NDUFAF7: variants seen among roughly 807,000 people sequenced by gnomAD.
The protein encoded by NDUFAF7 is protein arginine methyltransferase NDUFAF7, mitochondrial.
A neutral mutation model predicts 47.2 loss-of-function variants in NDUFAF7; 48 were observed. That is an observed-to-expected ratio of 1.02 (90% CI 0.81 to 1.29). NDUFAF7 has a LOEUF of 1.29. Among genes scored for constraint, NDUFAF7 ranks in the 50% most tolerant of loss-of-function variants. The pLI, the probability that NDUFAF7 is intolerant of heterozygous loss-of-function variation, is 0.00. For synonymous variants in NDUFAF7, 217 were observed against 190.0 expected (o/e 1.14, Z -1.17); for missense variants, 635 against 537.6 (o/e 1.18, Z -1.79).
chr2:37,237,770 G>A lies in NDUFAF7; in HGVS notation c.311G>A (p.Trp104Ter). 6.2e-7 allele frequency: 1 copy of A among 1,608,564 alleles called. No homozygotes were observed. Among genetic ancestry groups the A allele is most frequent in the Non-Finnish European group, 8.5e-7 (1 of 1,175,296 alleles). ...CCCTTTTCACAGCTACTAGGTATAT[G>A]GTTCATTAGTGAATGGATGGCCACT... ...SQIFGELLGI[W>*]FISEWMATGK... The change falls in exon 4 of 10, where the codon TGG becomes TAG. Residue 104 changes from tryptophan to a stop codon, truncating the protein, a stop_gained. Transcript: ENST00000002125. LOFTEE classifies it high-confidence loss of function.
the NDUFAF7 span, among the ~76,000 whole-genome samples, chr2:37,264,332 C>T: frequency 2.0e-5 from 3 of 152,014 alleles, no homozygotes; most frequent in Non-Finnish European, 4.4e-5. Flanking sequence ...AAGAATTTGC[C>T]GTGTACCCAG....
the NDUFAF7 span, chr2:37,260,164 T>TA: frequency 0.06 from 59,421 of 986,190 alleles, 5 homozygotes; most frequent in Non-Finnish European, 0.067. Flanking sequence ...ACTCTTGTCT[T>TA]AAAAAAAAAA....
At chr2:37,267,713 A>G in the NDUFAF7 span, 12 of 546,296 alleles carry the variant, frequency 2.2e-5, no homozygotes, top group South Asian at 1.5e-4. Context: ...TTTCCCCTCC[A>G]TACATAATAT....
At chr2:37,247,852 A>G (rs116742651) in intron 9 of NDUFAF7, among the ~76,000 whole-genome samples, 1,823 of 152,268 alleles carry the variant, frequency 0.012, 38 homozygotes, top group African/African-American at 0.041. Flanking sequence ...TTTGTTAAGA[A>G]AACTGCGTTT....
intron 6 of NDUFAF7, 77 bp from the exon 7 acceptor site, chr2:37,243,785 GA>G (rs1178498716): frequency 9.5e-7 from 1 of 1,051,274 alleles, no homozygotes; most frequent in Non-Finnish European, 1.5e-6. Flanking sequence ...GGTAAGAGGA[GA>G]AAAAGCTATT....
chr2:37,260,411 G>C, the NDUFAF7 span: 1 of 1,577,692 alleles, frequency 6.3e-7, no homozygotes, highest in South Asian at 1.1e-5. Flanking sequence ...AGATACATGA[G>C]CAACTTAAGC....
chr2:37,250,975 CAACA>C (rs1413945470), downstream of NDUFAF7: 1 of 152,566 alleles, frequency 6.6e-6, no homozygotes, highest in African/African-American at 2.4e-5. Flanking sequence ...AGGCATTTAA[CAACA>C]AATACAAAGA....
chr2:37,259,263 T>A, the NDUFAF7 span, among the ~76,000 whole-genome samples: 1 of 152,198 alleles, frequency 6.6e-6, no homozygotes, highest in Non-Finnish European at 1.5e-5. Context: ...CCCATTTGTT[T>A]TATTTATGAG....
downstream of NDUFAF7, chr2:37,249,165 CTA>C (rs1388079765): frequency 6.6e-6 from 1 of 152,154 alleles, no homozygotes; most frequent in Non-Finnish European, 1.5e-5. Flanking sequence ...AACGAATACA[CTA>C]GTGTACACTG....
At chr2:37,235,662 ATTTATTTT>A (rs1665677179) in intron 2 of NDUFAF7, among the ~76,000 whole-genome samples, 1 of 113,730 alleles carries the variant, frequency 8.8e-6, no homozygotes. Flanking sequence ...TTATTTATTT[ATTTATTTT>A]TTGAGATGGA....
chr2:37,260,461 G>C, the NDUFAF7 span: 1 of 1,303,710 alleles, frequency 7.7e-7, no homozygotes, highest in Non-Finnish European at 1.1e-6. Context: ...TGCTATGATT[G>C]TCTGAAATGG....
Position 37,248,444 on chromosome 2 carries a change from A to C in NDUFAF7, c.*94A>C. 2 of 1,216,020 alleles carry C rather than the reference A, an allele frequency of 1.6e-6. No individual in the cohort carries two copies. The highest frequency in any genetic ancestry group is 2.4e-6 in the Non-Finnish European group (2 of 823,848). The allele number at this position is 1,216,020 out of a possible 1,614,324, so 75.3% of individuals were successfully genotyped here. On this transcript the variant is annotated 3_prime_UTR_variant, in exon 10 of 10. Transcript: ENST00000002125. ...TACTGCAGGTAACAAAAGTCAAAGT[A>C]TTTTATCTTTTCACAGCAAGAACAG...
downstream of NDUFAF7, among the ~76,000 whole-genome samples, chr2:37,249,556 TAGACACACACACAC>T (rs1161743039): frequency 8.7e-5 from 4 of 46,042 alleles, no homozygotes; most frequent in Admixed American, 9.8e-4. Flanking sequence ...TAGCCTGTGA[TAGACACACACACAC>T]ACACACACAC....
the NDUFAF7 span, among the ~76,000 whole-genome samples, chr2:37,264,627 A>AT: frequency 6.6e-6 from 1 of 152,148 alleles, no homozygotes; most frequent in Non-Finnish European, 1.5e-5. Context: ...ACATGCAGAT[A>AT]TTTGAGGGAG....
chr2:37,233,486 G>T (rs780030693), intron 2 of NDUFAF7, among the ~76,000 whole-genome samples: 2 of 152,100 alleles, frequency 1.3e-5, no homozygotes, highest in African/African-American at 2.4e-5. Flanking sequence ...AAATTAGCCG[G>T]GCGTGGTGGC....
chr2:37,242,551 A>T, intron 5 of NDUFAF7, 84 bp from the exon 6 acceptor site: 1 of 1,073,314 alleles, frequency 9.3e-7, no homozygotes, highest in Non-Finnish European at 1.4e-6. Flanking sequence ...TGGAGGAAGT[A>T]GGCATTTTTT....
At chr2:37,259,828 A>C in the NDUFAF7 span, 1 of 610,142 alleles carries the variant, frequency 1.6e-6, no homozygotes, top group Admixed American at 3.1e-5. Context: ...AAGGTTAACA[A>C]TTCCCACAAT....
At chr2:37,256,566 G>A (rs1667956724), downstream of NDUFAF7, 1 of 1,361,248 alleles carries the variant, frequency 7.3e-7, no homozygotes, top group African/African-American at 1.5e-5. Flanking sequence ...AAAAAGATAA[G>A]TTGCAAGAGA....
Position 37,248,119 on chromosome 2 carries a change from A to AT in NDUFAF7, c.1111-9dup. Reference sequence around the variant, plus strand: ...TGTCTTCTGGTTATTTTTGCTAAGAATTTTTTTCTTTTCAGGTTCTTTTAG... The same window carrying AT: ...TGTCTTCTGGTTATTTTTGCTAAGAATTTTTTTTCTTTTCAGGTTCTTTTAG... On this transcript the variant is annotated splice_polypyrimidine_tract_variant and intron_variant, in intron 9 of 9. Transcript: ENST00000002125. 6.3e-7 allele frequency: 1 copy of AT among 1,594,444 alleles called. No individual in the cohort carries two copies. The highest frequency in any genetic ancestry group is 8.6e-7 in the Non-Finnish European group (1 of 1,163,620).
Sources: allele counts gnomAD v4.1 joint callset (sites outside exome capture counted in the v4.1 genomes callset), GRCh38; gene constraint gnomAD v4.1.1; transcripts MANE v1.5; gene names NCBI Gene and HGNC (gene_info 2026-07-23, HGNC 2026-07-21).